The following PJA2 variants were observed in gnomAD, a reference collection of about 807,000 sequenced individuals.
PJA2 encodes the protein praja ring finger ubiquitin ligase 2.
A neutral mutation model predicts 69.3 loss-of-function variants in PJA2; 25 were observed. That is an observed-to-expected ratio of 0.36 (90% confidence interval 0.26 to 0.50). The LOEUF (loss-of-function observed/expected upper bound fraction) is 0.50, where lower values mean the gene tolerates loss of function less well. Among genes scored for constraint, PJA2 ranks in the 20% least tolerant of loss-of-function variants. The probability of loss-of-function intolerance (pLI) is 0.96; values close to 1 mark genes in which losing one functional copy is unlikely to be tolerated. For synonymous variants in PJA2, 308 were observed against 277.8 expected (o/e 1.11, Z -1.08); for missense variants, 809 against 830.2 (o/e 0.97, Z 0.31).
At chr5:109,354,577 T>C (rs1053331077) in intron 7 of PJA2, among the ~76,000 whole-genome samples, 2 of 134,002 alleles carry the variant, frequency 1.5e-5, no homozygotes, top group African/African-American at 5.3e-5. Flanking sequence ...ATAATATCTA[T>C]AGATATCTAT....
In PJA2 at chr5:109,352,431, T is replaced by C. The variant is rs143793577; in HGVS notation, c.1764+3484A>G. Among the ~76,000 whole-genome samples, 170 of 152,306 alleles carry C rather than the reference T, an allele frequency of 1.1e-3. 1 individual carries two copies. The highest frequency in any genetic ancestry group is 3.9e-3 in the African/African-American group (164 of 41,574). On this transcript the variant is annotated intron_variant, in intron 7 of 9. Coordinates refer to ENST00000361189, the MANE Select transcript of PJA2 (RefSeq NM_014819.5). The stretch of plus-strand genomic sequence containing the variant: ...AGAACAGATCACTCAAAGAGTTATT[T>C]AGCACAACGAAATGAGTGATCCTTA...
At chr5:109,352,861 T>G (rs939789297) in intron 7 of PJA2, among the ~76,000 whole-genome samples, 2 of 150,346 alleles carry the variant, frequency 1.3e-5, no homozygotes, top group African/African-American at 2.4e-5. Flanking sequence ...TACAATATCA[T>G]AGACATCTAT....
intron 1 of PJA2, among the ~76,000 whole-genome samples, chr5:109,393,666 T>A (rs1254870054): frequency 6.6e-6 from 1 of 151,166 alleles, no homozygotes; most frequent in Non-Finnish European, 1.5e-5. Flanking sequence ...AAAATGTTCA[T>A]AGAAGCAATG....
chr5:109,383,599 T>G, intron 1 of PJA2, 79 bp from the exon 2 acceptor site: 1 of 525,106 alleles, frequency 1.9e-6, no homozygotes, highest in South Asian at 3.0e-5. Context: ...CTCCTCCTAG[T>G]GAAGTCTTAT....
intron 1 of PJA2, among the ~76,000 whole-genome samples, chr5:109,394,485 A>G (rs1747359355): frequency 6.6e-6 from 1 of 152,218 alleles, no homozygotes; most frequent in Admixed American, 6.5e-5. Flanking sequence ...TTCAAGTGTT[A>G]AAGTTGTATT....
At position 109,381,454 on chromosome 5, in the gene PJA2, A is replaced by G. The variant is rs1481768769; in HGVS notation, c.232+49T>C. ...CACCCAAAAATTTAATTATAAGATC[A>G]ATTCCTATATAACTATTAATAACCT... On this transcript the variant is annotated intron_variant, in intron 3 of 9. Transcript: ENST00000361189. 2.0e-6 allele frequency: 3 copies of G among 1,500,630 alleles called. No homozygotes were observed. The African/African-American group carries it at 4.2e-5, about 21-fold the overall frequency. 93.0% of individuals were successfully genotyped at this position (1,500,630 alleles called of 1,614,324 possible). A position where few individuals can be genotyped will look rare whatever the true frequency, so the allele number is the denominator to read the frequency against.
rs945590481 is a variant in PJA2, at chr5:109,379,306, T to A, written c.233-52A>T. 8.7e-6 allele frequency: 11 copies of A among 1,268,590 alleles called. No individual in the cohort carries two copies. The African/African-American group carries it at 1.7e-4, about 19-fold the overall frequency. 78.6% of individuals were successfully genotyped at this position (1,268,590 alleles called of 1,614,324 possible). A position where few individuals can be genotyped will look rare whatever the true frequency, so the allele number is the denominator to read the frequency against. The stretch of plus-strand genomic sequence containing the variant: ...TTTTAAAGGATTAACTTAGATAAAA[T>A]TTTATGTAATAACTATCACTTAAGT... On this transcript the variant is annotated intron_variant, in intron 3 of 9. Coordinates refer to ENST00000361189, the MANE Select transcript of PJA2 (RefSeq NM_014819.5).
rs1233994382 is a variant in PJA2 at position 109,378,257 on chromosome 5, G to A, written c.1230C>T (p.Thr410=). ...AATAATCTCCACAGCCATTCCAAAAGGTGTTATCCACCTCTTGCCTTCCTG... is the reference window on the plus strand; with the variant it reads ...AATAATCTCCACAGCCATTCCAAAAAGTGTTATCCACCTCTTGCCTTCCTG... The part of the protein sequence containing the change: ...ATAGRQEVDN[T]FWNGCGDYYQ... Residue 410 remains threonine (T), a synonymous_variant, in exon 4 of 10, where the codon ACC becomes ACT. Coordinates refer to ENST00000361189, the MANE Select transcript of PJA2 (RefSeq NM_014819.5). The A allele has an allele frequency of 4.3e-6, 7 of 1,613,822 alleles. No individual in the cohort carries two copies. Among genetic ancestry groups the A allele is most frequent in the Non-Finnish European group, 5.9e-6 (7 of 1,179,834 alleles).
intron 9 of PJA2, among the ~76,000 whole-genome samples, chr5:109,339,800 C>G (rs1762011022): frequency 6.6e-6 from 1 of 152,164 alleles, no homozygotes; most frequent in Non-Finnish European, 1.5e-5. Context: ...TCATGGATTA[C>G]CTACTTCAAC....
Position 109,344,179 on chromosome 5 carries a change from C to T in PJA2, c.2001+11G>A, listed in dbSNP as rs1301822008. 2.2e-6 allele frequency: 3 copies of T among 1,335,966 alleles called. No individual in the cohort carries two copies. The highest frequency in any genetic ancestry group is 2.0e-6 in the Non-Finnish European group (2 of 1,003,354). The allele number at this position is 1,335,966 out of a possible 1,614,324, so 82.8% of individuals were successfully genotyped here. A position where few individuals can be genotyped will look rare whatever the true frequency, so the allele number is the denominator to read the frequency against. On this transcript the variant is annotated intron_variant, in intron 9 of 9. Transcript: ENST00000361189. ...AAGTATTTTTAAATTTTTAATTATT[C>T]TATCACTCACCTTTTGTAGCCAAAT...
At chr5:109,364,095 A>C (rs1236475939) in intron 5 of PJA2, among the ~76,000 whole-genome samples, 1 of 152,182 alleles carries the variant, frequency 6.6e-6, no homozygotes, top group African/African-American at 2.4e-5. Flanking sequence ...GTGAGCTGAG[A>C]TCACACCACT....
intron 7 of PJA2, among the ~76,000 whole-genome samples, chr5:109,348,549 G>A (rs1319903045): frequency 6.6e-6 from 1 of 152,174 alleles, no homozygotes; most frequent in Non-Finnish European, 1.5e-5. Flanking sequence ...GTTACCAGTA[G>A]AAACAGTGTG....
At chr5:109,399,311 G>GT (rs1370218214) in intron 1 of PJA2, among the ~76,000 whole-genome samples, 1 of 152,034 alleles carries the variant, frequency 6.6e-6, no homozygotes, top group Non-Finnish European at 1.5e-5. Flanking sequence ...AAGGGCTTGT[G>GT]TAACACTGAG....
intron 1 of PJA2, among the ~76,000 whole-genome samples, chr5:109,395,393 G>A (rs1212121428): frequency 6.6e-6 from 1 of 152,014 alleles, no homozygotes; most frequent in African/African-American, 2.4e-5. Context: ...GACGGGCATG[G>A]TGGCGTGTGC....
At chr5:109,346,808 T>G (rs1304467940) in intron 7 of PJA2, among the ~76,000 whole-genome samples, 1 of 152,206 alleles carries the variant, frequency 6.6e-6, no homozygotes, top group Non-Finnish European at 1.5e-5. Flanking sequence ...TTGATTACAC[T>G]GAACTGTACA....
At chr5:109,358,232 G>A (rs773815229) in intron 6 of PJA2, among the ~76,000 whole-genome samples, 3 of 152,332 alleles carry the variant, frequency 2.0e-5, no homozygotes, top group South Asian at 2.1e-4. Context: ...GAGGGAAACC[G>A]CTTAAAGGTG....
chr5:109,381,113 CAA>C (rs1042716260), intron 3 of PJA2, among the ~76,000 whole-genome samples: 13 of 95,496 alleles, frequency 1.4e-4, no homozygotes, highest in African/African-American at 1.2e-4. Flanking sequence ...GACTCCATCT[CAA>C]AAAAAAAAAA....
rs1429394147 is a variant in PJA2, at chr5:109,379,040, T to G, written c.447A>C (p.Gly149=). ...TTTGGACACTTGAAGCACTACAAGC[T>G]CCTGGAATATACTCTCCCTCAGAGT... The part of the protein sequence containing the change: ...HNHSEGEYIP[G]ACSASSVQNG... The change falls in exon 4 of 10, where the codon GGA becomes GGC. Residue 149 remains glycine, a synonymous_variant. Coordinates refer to ENST00000361189, the MANE Select transcript of PJA2 (RefSeq NM_014819.5). 6.2e-7 allele frequency: 1 copy of G among 1,614,076 alleles called. No homozygotes were observed. The highest frequency in any genetic ancestry group is 2.2e-5 in the East Asian group (1 of 44,848).
intron 5 of PJA2, among the ~76,000 whole-genome samples, chr5:109,365,344 T>C (rs1275228739): frequency 1.3e-5 from 2 of 152,138 alleles, no homozygotes; most frequent in South Asian, 4.1e-4. Context: ...GAAATCTATA[T>C]GAATATGGAA....
Sources: allele counts gnomAD v4.1 joint callset (sites outside exome capture counted in the v4.1 genomes callset), GRCh38; gene constraint gnomAD v4.1.1; transcripts MANE v1.5; gene names NCBI Gene and HGNC (gene_info 2026-07-23, HGNC 2026-07-21).